Variants in SMPDL3A observed in about 807,000 individuals in gnomAD.
The protein encoded by SMPDL3A is sphingomyelin phosphodiesterase acid like 3A, also known as cyclic GMP-AMP phosphodiesterase SMPDL3A.
In SMPDL3A, 39 loss-of-function variants were observed where a neutral mutation model predicts 38.5. That is an observed-to-expected ratio of 1.01 (90% CI 0.78 to 1.32). The LOEUF (loss-of-function observed/expected upper bound fraction) is 1.32. SMPDL3A is among the 40% of genes most tolerant of loss of function. The pLI is 0.00. For missense variants in SMPDL3A, 502 were observed against 536.2 expected (o/e 0.94, Z 0.63); for synonymous variants, 180 against 194.3 (o/e 0.93, Z 0.61).
At chr6:122,801,513 C>G (rs1781429143) in intron 4 of SMPDL3A, 107 bp downstream of exon 4, 1 of 785,496 alleles carries the variant, frequency 1.3e-6, no homozygotes, top group African/African-American at 1.7e-5. Flanking sequence ...GAGCACAGCC[C>G]CCAGTTTTTG....
chr6:122,806,556 C>T (rs1005063728), intron 7 of SMPDL3A, among the ~76,000 whole-genome samples, 199 bp downstream of exon 7: 2 of 152,142 alleles, frequency 1.3e-5, no homozygotes, highest in African/African-American at 2.4e-5. Flanking sequence ...CTTTGGAAGG[C>T]TGTTTCTGTT....
intron 3 of SMPDL3A, among the ~76,000 whole-genome samples, chr6:122,798,357 A>T (rs1398279890): frequency 1.3e-5 from 2 of 152,206 alleles, no homozygotes; most frequent in African/African-American, 4.8e-5. Flanking sequence ...CATTGTGTTT[A>T]TATGCCTTAG....
At chr6:122,805,591 A>G (rs1396613903) in intron 6 of SMPDL3A, among the ~76,000 whole-genome samples, 1 of 152,208 alleles carries the variant, frequency 6.6e-6, no homozygotes, top group Admixed American at 6.5e-5. Context: ...TATGTACTCA[A>G]CACTCACATT....
intron 1 of SMPDL3A, among the ~76,000 whole-genome samples, chr6:122,793,490 AT>A (rs1172901690): frequency 6.6e-6 from 1 of 152,218 alleles, no homozygotes; most frequent in Non-Finnish European, 1.5e-5. Context: ...TCACGTTAAA[AT>A]GATTCTCTGG....
At chr6:122,791,101 C>T (rs921237852) in intron 1 of SMPDL3A, among the ~76,000 whole-genome samples, 1 of 152,194 alleles carries the variant, frequency 6.6e-6, no homozygotes, top group Non-Finnish European at 1.5e-5. Flanking sequence ...CCTGCCTCCT[C>T]TCAGCCCCAC....
intron 5 of SMPDL3A, among the ~76,000 whole-genome samples, chr6:122,804,696 G>A (rs924772424): frequency 6.6e-6 from 1 of 152,164 alleles, no homozygotes; most frequent in African/African-American, 2.4e-5. Context: ...TGTGACTGAA[G>A]TCACAGTTGC....
chr6:122,796,960 T>C lies in SMPDL3A; in HGVS notation c.463T>C (p.Trp155Arg). The C allele has an allele frequency of 6.2e-7, 1 of 1,610,826 alleles. No individual in the cohort carries two copies. Among genetic ancestry groups the C allele is most frequent in the Non-Finnish European group, 8.5e-7 (1 of 1,179,106 alleles). Reference sequence around the variant, plus strand: ...CCCTGCGCTGGGTAATCATGACTATTGGCCACAGGTAAATTTGATAGACTT... The same window carrying C: ...CCCTGCGCTGGGTAATCATGACTATCGGCCACAGGTAAATTTGATAGACTT... ...VFPALGNHDY[W>R]PQDQLPVVTS... The change falls in exon 3 of 8, where the codon TGG (tryptophan) becomes CGG (arginine). Residue 155 changes from tryptophan (W) to arginine (R), a missense_variant. Physicochemically the swap from Trp to Arg is moderately radical, Grantham distance 101 (BLOSUM62 -3). Transcript: ENST00000368440.
chr6:122,806,626 T>G (rs971662244), intron 7 of SMPDL3A, among the ~76,000 whole-genome samples: 13 of 152,198 alleles, frequency 8.5e-5, no homozygotes, highest in Admixed American at 6.5e-4. Flanking sequence ...GCCATGTTTG[T>G]GGACTTGTAT....
At chr6:122,803,901 G>A (rs552031501) in intron 5 of SMPDL3A, 68 bp downstream of exon 5, 9 of 1,309,844 alleles carry the variant, frequency 6.9e-6, no homozygotes, top group African/African-American at 1.5e-5. Flanking sequence ...TATTAAACTC[G>A]GGGTAGACTC....
At chr6:122,807,919 CCA>C in intron 7 of SMPDL3A, among the ~76,000 whole-genome samples, 1 of 152,040 alleles carries the variant, frequency 6.6e-6, no homozygotes, top group East Asian at 1.9e-4. Context: ...ATATATACAT[CCA>C]CACACACACG....
rs761982330 is a variant in SMPDL3A at position 122,805,021 on chromosome 6, A to T, written c.851A>T (p.Asp284Val). Reference sequence around the variant, plus strand: ...ATAGATATTTTTCAAAAATACAGTGATGTCATTGCAGGACAATTTTATGGA... The same window carrying T: ...ATAGATATTTTTCAAAAATACAGTGTTGTCATTGCAGGACAATTTTATGGA... The part of the protein sequence containing the change: ...KLIDIFQKYS[D>V]VIAGQFYGHT... Residue 284 changes from aspartate to valine, a missense_variant, in exon 6 of 8, where the codon GAT becomes GTT. By Grantham distance (152) the Asp-to-Val change is radical (BLOSUM62 -3). Coordinates refer to ENST00000368440, the MANE Select transcript of SMPDL3A (RefSeq NM_006714.5). 4 of 1,613,298 alleles carry T rather than the reference A, an allele frequency of 2.5e-6. No homozygotes were observed. Among genetic ancestry groups the T allele is most frequent in the East Asian group, 4.5e-5 (2 of 44,858 alleles).
Position 122,809,302 on chromosome 6 carries a change from CAT to C in SMPDL3A, c.1257_1258del (p.Cys420Ter), listed in dbSNP as rs758228317. 2.7e-5 allele frequency: 43 copies of C among 1,613,242 alleles called. No individual in the cohort carries two copies. Among genetic ancestry groups the C allele is most frequent in the African/African-American group, 5.3e-5 (4 of 74,888 alleles). ...TTTGTGAGTTATGACAGCAGTGTAA[CAT>C]GTGATAAGACATGTAAGGCCTTTCA... On this transcript the variant is annotated frameshift_variant, in exon 8 of 8. Transcript: ENST00000368440. LOFTEE classifies it low-confidence loss of function (END_TRUNC).
At chr6:122,807,372 G>A (rs537393206) in intron 7 of SMPDL3A, among the ~76,000 whole-genome samples, 17 of 152,312 alleles carry the variant, frequency 1.1e-4, no homozygotes, top group Non-Finnish European at 1.8e-4. Context: ...GGCGGCGGGT[G>A]CCTGTAGTCC....
chr6:122,800,414 TA>T (rs1781390258), intron 3 of SMPDL3A, among the ~76,000 whole-genome samples: 1 of 152,258 alleles, frequency 6.6e-6, no homozygotes, highest in Non-Finnish European at 1.5e-5. Flanking sequence ...TGTTAAATTC[TA>T]AAACATGATG....
rs62623431 is a variant in SMPDL3A at position 122,803,797 on chromosome 6, A to C, written c.702A>C (p.Glu234Asp). The change falls in exon 5 of 8, where the codon GAA becomes GAC. Residue 234 changes from glutamate to aspartate, a missense_variant. Coordinates refer to ENST00000368440, the MANE Select transcript of SMPDL3A (RefSeq NM_006714.5). ...TDPANQFEWL[E>D]STLNNSQQNK... ...CAGCCAACCAGTTTGAATGGCTAGA[A>C]AGTACATTGAACAACTCTCAGCAGA... 0.017 allele frequency: 27,873 copies of C among 1,613,978 alleles called. 291 individuals are homozygous for C. The highest frequency in any genetic ancestry group is 0.02 in the Non-Finnish European group (23,965 of 1,179,904).
Position 122,803,828 on chromosome 6 carries a change from G to C in SMPDL3A, c.733G>C (p.Glu245Gln). Residue 245 changes from glutamate (E) to glutamine (Q), a missense_variant, in exon 5 of 8, where the codon GAG becomes CAG. Coordinates refer to ENST00000368440, the MANE Select transcript of SMPDL3A (RefSeq NM_006714.5). ...ATTGAACAACTCTCAGCAGAATAAGGAGAAGGTAGATCCCATAGACCAAAA... is the reference window on the plus strand; with the variant it reads ...ATTGAACAACTCTCAGCAGAATAAGCAGAAGGTAGATCCCATAGACCAAAA... ...STLNNSQQNK[E>Q]KVYIIAHVPV... 6.2e-7 allele frequency: 1 copy of C among 1,613,548 alleles called. No homozygotes were observed. The highest frequency in any genetic ancestry group is 8.5e-7 in the Non-Finnish European group (1 of 1,179,874).
chr6:122,804,045 T>C (rs1781517024), intron 5 of SMPDL3A, among the ~76,000 whole-genome samples: 1 of 151,646 alleles, frequency 6.6e-6, no homozygotes, highest in Non-Finnish European at 1.5e-5. Context: ...TGGAGTGCAA[T>C]GGCGTGGTCT....
At chr6:122,790,886 A>T (rs1781055314) in intron 1 of SMPDL3A, among the ~76,000 whole-genome samples, 2 of 152,138 alleles carry the variant, frequency 1.3e-5, no homozygotes, top group Non-Finnish European at 2.9e-5. Context: ...CCTGTTTGGG[A>T]AACTGCAAGG....
At chr6:122,796,750 C>A in intron 2 of SMPDL3A, 74 bp from the exon 3 acceptor site, 1 of 1,284,696 alleles carries the variant, frequency 7.8e-7, no homozygotes, top group Non-Finnish European at 1.1e-6. Flanking sequence ...ATAGGTATAG[C>A]AACGCATCAT....
Sources: gnomAD v4.1 joint callset for allele counts (sites outside exome capture counted in the v4.1 genomes callset) on GRCh38, gnomAD v4.1.1 for gene constraint, MANE v1.5 for transcripts, NCBI Gene and HGNC (gene_info 2026-07-23, HGNC 2026-07-21) for gene names.